The following SLC24A3 variants were observed in gnomAD, a reference collection of about 807,000 sequenced individuals.
The protein encoded by SLC24A3 is solute carrier family 24 member 3.
SLC24A3 carries 28 observed loss-of-function variants against 75.8 expected under a neutral mutation model. That is an observed-to-expected ratio of 0.37 (90% CI 0.27 to 0.51). The LOEUF (loss-of-function observed/expected upper bound fraction) is 0.51. Among genes scored for constraint, SLC24A3 ranks in the 20% least tolerant of loss-of-function variants. The pLI, the probability that SLC24A3 is intolerant of heterozygous loss-of-function variation, is 0.94. For synonymous variants in SLC24A3, 372 were observed against 334.1 expected (o/e 1.11, Z -1.24); for missense variants, 663 against 847.8 (o/e 0.78, Z 2.71).
At chr20:19,576,698 G>A (rs1023110880) in intron 3 of SLC24A3, among the ~76,000 whole-genome samples, 1 of 152,154 alleles carries the variant, frequency 6.6e-6, no homozygotes, top group African/African-American at 2.4e-5. Context: ...TCGAAGCGTG[G>A]ATACAACAGT....
At chr20:19,309,118 C>G (rs541400744) in intron 2 of SLC24A3, among the ~76,000 whole-genome samples, 1 of 152,234 alleles carries the variant, frequency 6.6e-6, no homozygotes, top group South Asian at 2.1e-4. Flanking sequence ...CCACTACTTC[C>G]TAGGTTTGTC....
intron 14 of SLC24A3, among the ~76,000 whole-genome samples, chr20:19,698,258 C>A (rs1269712561): frequency 6.6e-6 from 1 of 152,242 alleles, no homozygotes; most frequent in East Asian, 1.9e-4. Flanking sequence ...ACCTCCAACA[C>A]TGGGGACTAC....
At chr20:19,550,642 C>T (rs780827420) in intron 3 of SLC24A3, among the ~76,000 whole-genome samples, 8 of 152,120 alleles carry the variant, frequency 5.3e-5, no homozygotes, top group Admixed American at 1.3e-4. Flanking sequence ...ACTAGGTTTT[C>T]GGCCAAGATA....
intron 8 of SLC24A3, among the ~76,000 whole-genome samples, chr20:19,671,880 C>T (rs999223345): frequency 1.3e-5 from 2 of 151,610 alleles, no homozygotes; most frequent in African/African-American, 4.9e-5. Flanking sequence ...TAAAGATGGC[C>T]CAATAATGAG....
chr20:19,373,819 G>T (rs963686953), intron 2 of SLC24A3, among the ~76,000 whole-genome samples: 1 of 152,132 alleles, frequency 6.6e-6, no homozygotes, highest in Admixed American at 6.5e-5. Flanking sequence ...CTAAGAGCAT[G>T]ACATGTTTTT....
chr20:19,261,242 G>T (rs1373130443), intron 1 of SLC24A3, among the ~76,000 whole-genome samples: 1 of 152,228 alleles, frequency 6.6e-6, no homozygotes, highest in Non-Finnish European at 1.5e-5. Context: ...CTGACTGACA[G>T]GCTGTCCTGA....
At chr20:19,521,061 T>C (rs1253657685) in intron 3 of SLC24A3, among the ~76,000 whole-genome samples, 1 of 152,134 alleles carries the variant, frequency 6.6e-6, no homozygotes, top group Non-Finnish European at 1.5e-5. Context: ...TGTCTATTTC[T>C]GGATTTTGTG....
intron 2 of SLC24A3, among the ~76,000 whole-genome samples, chr20:19,371,793 A>G (rs1985996946): frequency 6.6e-6 from 1 of 152,190 alleles, no homozygotes; most frequent in Admixed American, 6.5e-5. Context: ...TGCAGCGTAC[A>G]GGTCTATTCA....
At chr20:19,456,456 G>T (rs912919987) in intron 2 of SLC24A3, among the ~76,000 whole-genome samples, 1 of 152,166 alleles carries the variant, frequency 6.6e-6, no homozygotes, top group Non-Finnish European at 1.5e-5. Flanking sequence ...TTTGCCTGCT[G>T]CCATCCATGT....
chr20:19,228,019 A>T (rs1265451081), intron 1 of SLC24A3, among the ~76,000 whole-genome samples: 1 of 152,110 alleles, frequency 6.6e-6, no homozygotes, highest in African/African-American at 2.4e-5. Flanking sequence ...AAGATTCATG[A>T]TTATTTCTCT....
chr20:19,558,562 T>TG (rs2030825944), intron 3 of SLC24A3, among the ~76,000 whole-genome samples: 1 of 152,200 alleles, frequency 6.6e-6, no homozygotes, highest in Non-Finnish European at 1.5e-5. Context: ...CTCCTCTCCA[T>TG]GTCAGATCCT....
intron 2 of SLC24A3, among the ~76,000 whole-genome samples, chr20:19,347,935 C>T (rs1326367918): frequency 6.6e-6 from 1 of 152,246 alleles, no homozygotes; most frequent in African/African-American, 2.4e-5. Flanking sequence ...AGCAATTAAA[C>T]AACACCCGGC....
rs201197323 is a variant in SLC24A3, at chr20:19,687,818, GA to G, written c.1324+2460del. Among the ~76,000 whole-genome samples the G allele has an allele frequency of 3.7e-3, 560 of 152,238 alleles. 8 individuals carry two copies. The highest frequency in any genetic ancestry group is 0.013 in the African/African-American group (526 of 41,538). On this transcript the variant is annotated intron_variant, in intron 12 of 16. Transcript: ENST00000328041. ...CTAACTGTGGGGTTTCAAGGTCTTT[GA>G]AACTCGTGCTCGCCACCCTCTGTCT... is the stretch of plus-strand genomic sequence containing the variant.
At chr20:19,416,833 CT>C (rs1400383398) in intron 2 of SLC24A3, among the ~76,000 whole-genome samples, 1 of 152,130 alleles carries the variant, frequency 6.6e-6, no homozygotes, top group Non-Finnish European at 1.5e-5. Flanking sequence ...TGTAAGGAGT[CT>C]TTTAAGGAGC....
chr20:19,615,423 C>T (rs1201950334), intron 6 of SLC24A3, among the ~76,000 whole-genome samples: 1 of 152,130 alleles, frequency 6.6e-6, no homozygotes, highest in African/African-American at 2.4e-5. Context: ...AAACATAATG[C>T]TGGCATCTGT....
chr20:19,711,291 A>ACG (rs1303865051), intron 15 of SLC24A3, among the ~76,000 whole-genome samples: 3 of 44,892 alleles, frequency 6.7e-5, no homozygotes, highest in African/African-American at 3.5e-4. Context: ...GCATGCAAAC[A>ACG]CGCACACACA....
intron 3 of SLC24A3, among the ~76,000 whole-genome samples, chr20:19,535,763 G>A (rs1037082550): frequency 3.9e-5 from 6 of 152,134 alleles, no homozygotes; most frequent in Non-Finnish European, 5.9e-5. Context: ...TTAGGGTACT[G>A]GGAGGGTGTC....
intron 1 of SLC24A3, among the ~76,000 whole-genome samples, chr20:19,238,310 C>T (rs1982227730): frequency 6.6e-6 from 1 of 152,180 alleles, no homozygotes; most frequent in African/African-American, 2.4e-5. Context: ...GTCGTCATGT[C>T]TAGTTGTAGG....
intron 16 of SLC24A3, among the ~76,000 whole-genome samples, chr20:19,718,017 C>G (rs561131220): frequency 1.3e-5 from 2 of 152,176 alleles, no homozygotes; most frequent in Non-Finnish European, 2.9e-5. Flanking sequence ...TCAGCCATTA[C>G]GCCCACTTGC....
Sources: allele counts gnomAD v4.1 joint callset (sites outside exome capture counted in the v4.1 genomes callset), GRCh38; gene constraint gnomAD v4.1.1; transcripts MANE v1.5; gene names NCBI Gene and HGNC (gene_info 2026-07-23, HGNC 2026-07-21).